KCNK12: variants seen among roughly 807,000 people sequenced by gnomAD.
The protein encoded by KCNK12 is potassium channel subfamily K member 12.
A neutral mutation model predicts 25.3 loss-of-function variants in KCNK12; 6 were observed. The observed-to-expected ratio is 0.24, with a 90% CI of 0.13 to 0.47. The LOEUF (loss-of-function observed/expected upper bound fraction) is 0.47. Ranked by LOEUF, KCNK12 falls within the 20% of genes least tolerant of loss-of-function variation. The probability of loss-of-function intolerance (pLI) is 0.99; values close to 1 mark genes in which losing one functional copy is unlikely to be tolerated. For missense variants in KCNK12, 444 were observed against 661.7 expected (o/e 0.67, Z 3.61); for synonymous variants, 331 against 311.1 (o/e 1.06, Z -0.67).
rs1668989936 is a variant in KCNK12, at chr2:47,533,782, G to A, written c.392-11974C>T. Among the ~76,000 whole-genome samples, 2 of 152,190 alleles carry A rather than the reference G, an allele frequency of 1.3e-5. No individual in the cohort carries two copies. Among genetic ancestry groups the A allele is most frequent in the African/African-American group, 2.4e-5 (1 of 41,438 alleles). On this transcript the variant is annotated intron_variant, in intron 1 of 1. Coordinates refer to ENST00000327876, the MANE Select transcript of KCNK12 (RefSeq NM_022055.2). The surrounding 1 kb of genome is among the most constrained non-coding windows in gnomAD (Gnocchi z 4.7). ...ACCGTGGGCTGCTCTATTTGTTGGC[G>A]CTTGCTGGTTTGTCTGATTTGCAGA...
At chr2:47,544,011 C>T (rs1450918098) in intron 1 of KCNK12, among the ~76,000 whole-genome samples, 2 of 152,168 alleles carry the variant, frequency 1.3e-5, no homozygotes, top group Non-Finnish European at 2.9e-5. Context: ...TACGCAGGGC[C>T]TGCCTTCCCT....
At chr2:47,530,243 C>T (rs981359996) in intron 1 of KCNK12, among the ~76,000 whole-genome samples, 1 of 152,174 alleles carries the variant, frequency 6.6e-6, no homozygotes, top group African/African-American at 2.4e-5. Flanking sequence ...ACAGCCTGCT[C>T]CGTGGCTGGA....
At chr2:47,567,546 C>A (rs1669808253) in intron 1 of KCNK12, among the ~76,000 whole-genome samples, 2 of 152,206 alleles carry the variant, frequency 1.3e-5, no homozygotes, top group South Asian at 4.1e-4. Flanking sequence ...TTCAGCAGAA[C>A]TTATCTGACT....
rs575060536 is a variant in KCNK12 at position 47,518,773 on chromosome 2, C to T, written c.*2134G>A. ...GATCAAGTCCTCACTGTCTAGATGCCTCTATCATGGGGATCTCTTCTTCCC... is the reference window on the plus strand; with the variant it reads ...GATCAAGTCCTCACTGTCTAGATGCTTCTATCATGGGGATCTCTTCTTCCC... On this transcript the variant is annotated 3_prime_UTR_variant, in exon 2 of 2. Coordinates refer to ENST00000327876, the MANE Select transcript of KCNK12 (RefSeq NM_022055.2). This position sits in a 1 kb window ranked among gnomAD's most constrained non-coding sequence, Gnocchi z 4.1. 2.0e-5 allele frequency: 3 copies of T among 152,414 alleles called. No homozygotes were observed. The highest frequency in any genetic ancestry group is 1.3e-4 in the Admixed American group (2 of 15,308). The allele number at this position is 152,414 out of a possible 1,614,324, so 9.4% of individuals were successfully genotyped here.
chr2:47,545,210 G>A (rs1247048476), intron 1 of KCNK12, among the ~76,000 whole-genome samples: 1 of 152,188 alleles, frequency 6.6e-6, no homozygotes, highest in Non-Finnish European at 1.5e-5. Context: ...GGTGGGCTCT[G>A]AAGAGGGAGT....
Position 47,521,039 on chromosome 2 carries a change from C to G in KCNK12, c.1161G>C (p.Lys387Asn). 7.1e-7 allele frequency: 1 copy of G among 1,399,064 alleles called. No individual in the cohort carries two copies. Among genetic ancestry groups the G allele is most frequent in the Non-Finnish European group, 9.3e-7 (1 of 1,072,598 alleles). 86.7% of individuals were successfully genotyped at this position (1,399,064 alleles called of 1,614,324 possible). Residue 387 changes from lysine to asparagine, a missense_variant, in exon 2 of 2, where the codon AAG becomes AAC. This residue lies in a region of KCNK12 where 57 missense variants were observed against 68.9 expected (regional missense o/e 0.83). Transcript: ENST00000327876. ...AGCCGTTGGCCGTCTCCGACAGCTG[C>G]TTCTGCAGCAGCGCCAGCGACACCT... ...SNKVSLALLQ[K>N]QLSETANGYP... is the part of the protein sequence containing the mutation.
chr2:47,527,901 A>C (rs2104754908), intron 1 of KCNK12: 1 of 152,438 alleles, frequency 6.6e-6, no homozygotes, highest in Non-Finnish European at 1.5e-5. Context: ...ATATGGTGGA[A>C]AACCAGACAG....
Position 47,516,287 on chromosome 2 carries a change from C to T in KCNK12, c.*4620G>A, listed in dbSNP as rs1014928732. On this transcript the variant is annotated 3_prime_UTR_variant, in exon 2 of 2. Transcript: ENST00000327876. ...CAATGAAATCAGACTCCTGGGAGTACGGCCCGGGCCTCGGGATCCTTTAAA... is the reference window on the plus strand; with the variant it reads ...CAATGAAATCAGACTCCTGGGAGTATGGCCCGGGCCTCGGGATCCTTTAAA... Among the ~76,000 whole-genome samples the T allele has an allele frequency of 3.3e-5, 5 of 152,220 alleles. No individual in the cohort carries two copies. Among genetic ancestry groups the T allele is most frequent in the Non-Finnish European group, 7.3e-5 (5 of 68,046 alleles).
At position 47,525,771 on chromosome 2, in the gene KCNK12, G is replaced by C. The variant is rs1668756453; in HGVS notation, c.392-3963C>G. On this transcript the variant is annotated intron_variant, in intron 1 of 1. Coordinates refer to ENST00000327876, the MANE Select transcript of KCNK12 (RefSeq NM_022055.2). This position sits in a 1 kb window ranked among gnomAD's most constrained non-coding sequence, Gnocchi z 4.1. Reference sequence around the variant, plus strand: ...GGAGTCACAGGAGGAGGGATGGAGAGGGCAGTGCCCACTCAGGGAATGGGG... The same window carrying C: ...GGAGTCACAGGAGGAGGGATGGAGACGGCAGTGCCCACTCAGGGAATGGGG... 6.6e-6 allele frequency among the ~76,000 whole-genome samples: 1 copy of C among 152,156 alleles called. No individual in the cohort carries two copies. The highest frequency in any genetic ancestry group is 1.5e-5 in the Non-Finnish European group (1 of 68,012).
intron 1 of KCNK12, among the ~76,000 whole-genome samples, chr2:47,553,610 T>A (rs1669486693): frequency 6.6e-6 from 1 of 152,218 alleles, no homozygotes; most frequent in African/African-American, 2.4e-5. Flanking sequence ...GTTGCCTGAC[T>A]TAACGGCATA....
chr2:47,534,136 G>C (rs1468582984), intron 1 of KCNK12, among the ~76,000 whole-genome samples: 1 of 152,044 alleles, frequency 6.6e-6, no homozygotes, highest in African/African-American at 2.4e-5. Flanking sequence ...ACATTAGAGA[G>C]GTTTTGGTTA....
At chr2:47,535,720 C>G (rs1215927366) in intron 1 of KCNK12, among the ~76,000 whole-genome samples, 1 of 152,114 alleles carries the variant, frequency 6.6e-6, no homozygotes, top group Non-Finnish European at 1.5e-5. Flanking sequence ...GGTCCCAGCC[C>G]CACTCCACCT....
chr2:47,542,053 CTG>C (rs1363770720), intron 1 of KCNK12, among the ~76,000 whole-genome samples: 1 of 152,170 alleles, frequency 6.6e-6, no homozygotes, highest in African/African-American at 2.4e-5. Context: ...GATCAGGAGG[CTG>C]TGTTTATATT....
Position 47,513,973 on chromosome 2 carries a change from AACCCCTCC to A in KCNK12, c.*6926_*6933del, listed in dbSNP as rs1047681729. 2.1e-4 allele frequency among the ~76,000 whole-genome samples: 32 copies of A among 152,046 alleles called. 1 individual carries two copies. Among genetic ancestry groups the A allele is most frequent in the African/African-American group, 7.7e-4 (32 of 41,460 alleles). Reference sequence around the variant, plus strand: ...TTTTCGGCAGCACACGCATCCTTAAAACCCCTCCACTGGCTTGCCAGTGTCCTCAGGAT... The same window carrying A: ...TTTTCGGCAGCACACGCATCCTTAAAACTGGCTTGCCAGTGTCCTCAGGAT... On this transcript the variant is annotated 3_prime_UTR_variant, in exon 2 of 2. Coordinates refer to ENST00000327876, the MANE Select transcript of KCNK12 (RefSeq NM_022055.2).
At position 47,538,317 on chromosome 2, in the gene KCNK12, C is replaced by T. The variant is rs531377805; in HGVS notation, c.392-16509G>A. 1.3e-5 allele frequency among the ~76,000 whole-genome samples: 2 copies of T among 152,100 alleles called. No individual in the cohort carries two copies. Among genetic ancestry groups the T allele is most frequent in the East Asian group, 1.9e-4 (1 of 5,182 alleles). On this transcript the variant is annotated intron_variant, in intron 1 of 1. Coordinates refer to ENST00000327876, the MANE Select transcript of KCNK12 (RefSeq NM_022055.2). The surrounding 1 kb of genome is among the most constrained non-coding windows in gnomAD (Gnocchi z 4.5). ...GCAGGCTAAGAGGGTGAGGAGTGTG[C>T]GGGCAGGGAGGAGGCAGGTCATGGT... is the stretch of plus-strand genomic sequence containing the variant.
At chr2:47,568,663 T>C (rs1669829978) in intron 1 of KCNK12, among the ~76,000 whole-genome samples, 1 of 152,164 alleles carries the variant, frequency 6.6e-6, no homozygotes, top group Admixed American at 6.5e-5. Context: ...GCAGTTACAG[T>C]CCATGCCTCT....
At position 47,570,203 on chromosome 2, in the gene KCNK12, C is replaced by T. The variant is rs1437180329; in HGVS notation, c.129G>A (p.Ala43=). The change falls in exon 1 of 2, where the codon GCG becomes GCA. Residue 43 remains alanine (A), a synonymous_variant. Coordinates refer to ENST00000327876, the MANE Select transcript of KCNK12 (RefSeq NM_022055.2). ...NEDTGRFVLL[A]ALIGLYLVAG... ...CCACCAGGTAGAGGCCGATGAGCGC[C>T]GCCAGCAGCACGAAGCGGCCGGTGT... 4 of 1,498,346 alleles carry T rather than the reference C, an allele frequency of 2.7e-6. No individual in the cohort carries two copies. Among genetic ancestry groups the T allele is most frequent in the Non-Finnish European group, 3.5e-6 (4 of 1,128,472 alleles). 92.8% of individuals were successfully genotyped at this position (1,498,346 alleles called of 1,614,324 possible).
rs1669840186 is a variant in KCNK12, at chr2:47,569,201, C to G, written c.391+740G>C. On this transcript the variant is annotated intron_variant, in intron 1 of 1. Coordinates refer to ENST00000327876, the MANE Select transcript of KCNK12 (RefSeq NM_022055.2). The surrounding 1 kb of genome is among the most constrained non-coding windows in gnomAD (Gnocchi z 4.1). The stretch of plus-strand genomic sequence containing the variant: ...AGAGATGATGGAAAGAATAGGGGAA[C>G]TATCCCTGCTCCCAGCTACCCCTTG... 6.6e-6 allele frequency among the ~76,000 whole-genome samples: 1 copy of G among 152,160 alleles called. No homozygotes were observed. Among genetic ancestry groups the G allele is most frequent in the African/African-American group, 2.4e-5 (1 of 41,418 alleles).
At chr2:47,567,889 A>G (rs1474444260) in intron 1 of KCNK12, among the ~76,000 whole-genome samples, 1 of 152,198 alleles carries the variant, frequency 6.6e-6, no homozygotes, top group Non-Finnish European at 1.5e-5. Context: ...GCATGGAACA[A>G]TTTCCCAACA....
Sources: gnomAD v4.1 joint callset for allele counts (sites outside exome capture counted in the v4.1 genomes callset) on GRCh38, gnomAD v4.1.1 for gene constraint, gnomAD v4.1.1 regional missense constraint, Gnocchi (gnomAD v3.1) non-coding constraint, MANE v1.5 for transcripts, NCBI Gene and HGNC (gene_info 2026-07-23, HGNC 2026-07-21) for gene names.